The following KCTD1 variants were observed in gnomAD, a reference collection of about 807,000 sequenced individuals.
The protein encoded by KCTD1 is BTB/POZ domain-containing protein KCTD1.
KCTD1 carries 24 observed loss-of-function variants against 66.0 expected under a neutral mutation model. The ratio of observed to expected loss-of-function variants is 0.36; its 90% CI spans 0.26 to 0.51. The LOEUF (loss-of-function observed/expected upper bound fraction) is 0.51. Among genes scored for constraint, KCTD1 ranks in the 20% least tolerant of loss-of-function variants. The pLI, the probability that KCTD1 is intolerant of heterozygous loss-of-function variation, is 0.95. For missense variants in KCTD1, 943 were observed against 1,205.2 expected (o/e 0.78, Z 3.22); for synonymous variants, 511 against 517.2 (o/e 0.99, Z 0.16).
At chr18:26,652,840 T>C (rs1288467169) in intron 1 of KCTD1, among the ~76,000 whole-genome samples, 2 of 152,186 alleles carry the variant, frequency 1.3e-5, no homozygotes, top group East Asian at 3.8e-4. Context: ...CTATTAGAAA[T>C]GACGTGAAAG....
chr18:26,647,612 A>G (rs1378512221), intron 1 of KCTD1, among the ~76,000 whole-genome samples: 1 of 147,722 alleles, frequency 6.8e-6, no homozygotes, highest in African/African-American at 2.5e-5. Context: ...ACCAAACTTC[A>G]TTTGTGCAGA....
intron 1 of KCTD1, among the ~76,000 whole-genome samples, chr18:26,651,799 A>AG (rs1160240200): frequency 2.0e-4 from 24 of 117,142 alleles, no homozygotes; most frequent in East Asian, 1.1e-3. Context: ...AAAAAAAAAA[A>AG]AAGAAGAAGA....
At chr18:26,612,167 A>G (rs1477912569) in intron 1 of KCTD1, among the ~76,000 whole-genome samples, 1 of 151,960 alleles carries the variant, frequency 6.6e-6, no homozygotes. Flanking sequence ...AATGCAGGGG[A>G]CCCAATGCAG....
upstream of KCTD1, chr18:26,549,360 C>T: frequency 2.0e-6 from 2 of 985,506 alleles, no homozygotes; most frequent in East Asian, 1.1e-4. Context: ...TCGACTTTTC[C>T]AACAGCCACA....
chr18:26,584,899 G>T (rs1325452961), intron 1 of KCTD1, among the ~76,000 whole-genome samples: 1 of 152,172 alleles, frequency 6.6e-6, no homozygotes, highest in Non-Finnish European at 1.5e-5. Flanking sequence ...TATAAGACTG[G>T]GAGGCAGAGA....
intron 1 of KCTD1, among the ~76,000 whole-genome samples, chr18:26,598,717 A>T (rs578260): frequency 1.6e-4 from 24 of 152,070 alleles, no homozygotes; most frequent in African/African-American, 4.8e-4. Context: ...ATCTCATTGT[A>T]GTTTTGATTT....
At chr18:26,494,594 C>T (rs1187533574) in intron 2 of KCTD1, among the ~76,000 whole-genome samples, 2 of 152,046 alleles carry the variant, frequency 1.3e-5, no homozygotes, top group African/African-American at 4.8e-5. Flanking sequence ...ACATAAAATC[C>T]AGTTTCATTG....
At chr18:26,590,441 G>C (rs521979) in intron 1 of KCTD1, among the ~76,000 whole-genome samples, 149,333 of 152,264 alleles carry the variant, frequency 0.98, 73,301 homozygotes, top group East Asian at 1. Context: ...TTCTGAGTCT[G>C]TTATTATTAG....
intron 1 of KCTD1, among the ~76,000 whole-genome samples, chr18:26,602,419 A>T (rs1986918717): frequency 6.6e-6 from 1 of 152,188 alleles, no homozygotes; most frequent in Admixed American, 6.5e-5. Context: ...TGATGGCTTT[A>T]TCTGATTTTG....
chr18:26,460,083 G>GCATTCATT lies in KCTD1; in HGVS notation c.2134-166_2134-159dup, dbSNP rs376911878. Among the ~76,000 whole-genome samples, 560 of 152,212 alleles carry GCATTCATT rather than the reference G, an allele frequency of 3.7e-3. 1 individual carries two copies. Among genetic ancestry groups the GCATTCATT allele is most frequent in the African/African-American group, 0.013 (539 of 41,524 alleles). On this transcript the variant is annotated intron_variant, in intron 3 of 4. Transcript: ENST00000580059. ...CGACATGTTTGTAGAGGCTCAATTT[G>GCATTCATT]CATTCATTCATTCATTCATTCATTC...
rs138841957 is a variant in KCTD1 at position 26,597,522 on chromosome 18, A to G, written c.-16+31625T>C. On this transcript the variant is annotated intron_variant, in intron 1 of 4. Coordinates refer to the KCTD1 transcript ENST00000317932. ...TGCAAGATAAGCAGATATAAAAACA[A>G]ATGGGTATTTTTTGTAAACAAAAGG... Among the ~76,000 whole-genome samples the G allele has an allele frequency of 2.6e-4, 39 of 152,288 alleles. No individual in the cohort carries two copies. In the East Asian group the frequency reaches 7.1e-3, roughly 28 times the overall value.
intron 1 of KCTD1, among the ~76,000 whole-genome samples, chr18:26,593,854 A>AGG: frequency 6.9e-6 from 1 of 145,128 alleles, no homozygotes; most frequent in Non-Finnish European, 1.5e-5. Context: ...GACAAGGAGG[A>AGG]AGAGGAGAAC....
At chr18:26,531,029 G>C (rs914766400) in intron 1 of KCTD1, among the ~76,000 whole-genome samples, 1 of 152,126 alleles carries the variant, frequency 6.6e-6, no homozygotes, top group African/African-American at 2.4e-5. Context: ...TGGGGAATAG[G>C]GCAGTGAGCA....
chr18:26,501,289 T>C (rs769929248), intron 1 of KCTD1, 39 bp from the exon 2 acceptor site: 1 of 1,557,484 alleles, frequency 6.4e-7, no homozygotes, highest in Non-Finnish European at 8.8e-7. Flanking sequence ...TTTTTCTCTT[T>C]ACAGTAGAAA....
rs184331438 is a variant in KCTD1 at position 26,485,638 on chromosome 18, T to C, written c.1989-8979A>G. 2.6e-3 allele frequency among the ~76,000 whole-genome samples: 397 copies of C among 152,140 alleles called. 2 individuals carry two copies. The highest frequency in any genetic ancestry group is 2.4e-3 in the Non-Finnish European group (161 of 68,006). On this transcript the variant is annotated intron_variant, in intron 2 of 4. Transcript: ENST00000580059. Reference sequence around the variant, plus strand: ...CCTCCCTGGGAAGCCCAATTTAGTATTTTTTTCAGCTAGAACAGTTTCTGT... The same window carrying C: ...CCTCCCTGGGAAGCCCAATTTAGTACTTTTTTCAGCTAGAACAGTTTCTGT...
intron 1 of KCTD1, among the ~76,000 whole-genome samples, chr18:26,507,608 C>T (rs1983109333): frequency 6.6e-6 from 1 of 152,068 alleles, no homozygotes; most frequent in Non-Finnish European, 1.5e-5. Flanking sequence ...AACTCCTGGC[C>T]TCAAGTGATC....
At chr18:26,595,416 C>A (rs1986743436) in intron 1 of KCTD1, among the ~76,000 whole-genome samples, 1 of 152,182 alleles carries the variant, frequency 6.6e-6, no homozygotes, top group African/African-American at 2.4e-5. Context: ...ATAAAGATCA[C>A]ATTTTCTAGT....
At chr18:26,599,407 T>C in intron 1 of KCTD1, 21 of 1,611,388 alleles carry the variant, frequency 1.3e-5, no homozygotes, top group Non-Finnish European at 1.5e-5. Flanking sequence ...ACTGCAAGAA[T>C]GGCAGATTTT....
rs573037418 is a variant in KCTD1, at chr18:26,508,745, C to T, written c.1810-7495G>A. On this transcript the variant is annotated intron_variant, in intron 1 of 4. Coordinates refer to ENST00000580059, the MANE Select transcript of KCTD1 (RefSeq NM_001142730.3). ...TCTCTCTCTCACACACACACACACA[C>T]GCACAACATCTGTATTATATGGCAT... Among the ~76,000 whole-genome samples the T allele has an allele frequency of 1.4e-4, 21 of 151,658 alleles. No individual in the cohort carries two copies. The South Asian group carries it at 1.5e-3, about 11-fold the overall frequency.
Sources: gnomAD v4.1 joint callset for allele counts (sites outside exome capture counted in the v4.1 genomes callset) on GRCh38, gnomAD v4.1.1 for gene constraint, MANE v1.5 for transcripts, NCBI Gene and HGNC (gene_info 2026-07-23, HGNC 2026-07-21) for gene names.